Variants in ANKLE2 observed in about 807,000 individuals in gnomAD.
The protein encoded by ANKLE2 is ankyrin repeat and LEM domain containing 2, also known as ankyrin repeat and LEM domain-containing protein 2.
Under a neutral mutation model 84.2 loss-of-function variants are expected in ANKLE2, and 55 were observed. The ratio of observed to expected loss-of-function variants is 0.65; its 90% confidence interval spans 0.53 to 0.82. The LOEUF is 0.82. Among genes scored for constraint, ANKLE2 ranks in the 40% least tolerant of loss-of-function variants. The pLI is 0.00. For synonymous variants in ANKLE2, 551 were observed against 486.1 expected, an observed-to-expected ratio of 1.13 and a Z score of -1.76; for missense variants, 1,238 against 1,201.9, an observed-to-expected ratio of 1.03 and a Z score of -0.44.
At chr12:132,733,152 C>G (rs2043924870) in intron 10 of ANKLE2, among the ~76,000 whole-genome samples, 1 of 145,296 alleles carries the variant, frequency 6.9e-6, no homozygotes, top group African/African-American at 2.6e-5. Flanking sequence ...GTCCTGGTGT[C>G]TGATATGCAC....
intron 1 of ANKLE2, chr12:132,758,852 A>G (rs1156938543): frequency 6.6e-6 from 1 of 152,072 alleles, no homozygotes; most frequent in Admixed American, 6.6e-5. Context: ...GGCTTTTCCT[A>G]TTCAGCATAA....
At chr12:132,754,635 T>A in intron 2 of ANKLE2, 40 bp downstream of exon 2, 1 of 1,547,356 alleles carries the variant, frequency 6.5e-7, no homozygotes, top group Non-Finnish European at 8.7e-7. Context: ...TCCGCGTATG[T>A]GCTATCTGTG....
chr12:132,735,741 C>T (rs890406687), intron 8 of ANKLE2, among the ~76,000 whole-genome samples: 4 of 151,432 alleles, frequency 2.6e-5, no homozygotes, highest in Non-Finnish European at 5.9e-5. Flanking sequence ...CTTGCAGCCC[C>T]GTCTGGGCTG....
Position 132,741,484 on chromosome 12 carries a change from A to G in ANKLE2, c.1355T>C (p.Val452Ala). 6.2e-7 allele frequency: 1 copy of G among 1,614,004 alleles called. No individual in the cohort carries two copies. The highest frequency in any genetic ancestry group is 8.5e-7 in the Non-Finnish European group (1 of 1,179,868). ...RNKYDKTPED[V>A]ICERSKNKSV... is the part of the protein sequence containing the mutation. Reference sequence around the variant, plus strand: ...TTTATTTTTGCTTCTTTCACAAATTACCTATTGGAAAAAAAAGTGTGTCTA... The same window carrying G: ...TTTATTTTTGCTTCTTTCACAAATTGCCTATTGGAAAAAAAAGTGTGTCTA... The change falls in exon 7 of 13, where the codon GTA (valine) becomes GCA (alanine). Residue 452 changes from valine (V) to alanine (A), a missense_variant and splice_region_variant. By Grantham distance (64) the Val-to-Ala change is moderately conservative. This residue lies in a region of ANKLE2 where 802 missense variants were observed against 774.5 expected (regional missense o/e 1.04). Coordinates refer to ENST00000357997, the MANE Select transcript of ANKLE2 (RefSeq NM_015114.3).
chr12:132,728,932 C>G (rs1052403191), intron 11 of ANKLE2, among the ~76,000 whole-genome samples: 4 of 152,286 alleles, frequency 2.6e-5, no homozygotes, highest in South Asian at 2.1e-4. Context: ...CACTGGCAGG[C>G]ACATCCCTAG....
intron 10 of ANKLE2, 41 bp downstream of exon 10, chr12:132,734,344 G>T: frequency 6.2e-7 from 1 of 1,602,514 alleles, no homozygotes; most frequent in Middle Eastern, 1.8e-4. Context: ...GGCCATGGGG[G>T]GCCCCTCCCA....
At chr12:132,751,999 A>G (rs570365074) in intron 2 of ANKLE2, among the ~76,000 whole-genome samples, 20 of 152,322 alleles carry the variant, frequency 1.3e-4, no homozygotes, top group Admixed American at 1.2e-3. Flanking sequence ...GGAGACAAAA[A>G]TTTATGAACA....
intron 5 of ANKLE2, 58 bp downstream of exon 5, chr12:132,747,774 G>C (rs1337104706): frequency 7.7e-6 from 12 of 1,555,878 alleles, no homozygotes; most frequent in Non-Finnish European, 9.5e-6. Context: ...GCATTCTTTT[G>C]GGGAAAGACT....
Position 132,761,737 on chromosome 12 carries a change from G to A in ANKLE2, c.62C>T (p.Ala21Val). 2 of 1,307,748 alleles carry A rather than the reference G, an allele frequency of 1.5e-6. No individual in the cohort carries two copies. Among genetic ancestry groups the A allele is most frequent in the East Asian group, 3.4e-5 (1 of 29,202 alleles). The allele number at this position is 1,307,748 out of a possible 1,614,324, so 81.0% of individuals were successfully genotyped here. A position where few individuals can be genotyped will look rare whatever the true frequency, so the allele number is the denominator to read the frequency against. The change falls in exon 1 of 13, where the codon GCC becomes GTC. Residue 21 changes from alanine to valine, a missense_variant. By Grantham distance (64) the Ala-to-Val change is moderately conservative (BLOSUM62 0). This residue lies in a region of ANKLE2 where 422 missense variants were observed against 394.5 expected (regional missense o/e 1.07). Transcript: ENST00000357997. The stretch of plus-strand genomic sequence containing the variant: ...CCGCACAGCGATCAGCAGCACCGAG[G>A]CGCCCAGCAGCTCCCAGGCCAGCGC... ...WAALAWELLG[A>V]SVLLIAVRWL...
In ANKLE2 at chr12:132,743,336, G is replaced by A. The variant is rs1226404417; in HGVS notation, c.1231-60C>T. On this transcript the variant is annotated intron_variant, in intron 5 of 12. Transcript: ENST00000357997. This position sits in a 1 kb window ranked among gnomAD's most constrained non-coding sequence, Gnocchi z 4.1. ...CACTTGTCTCATGAGGTTGCTCTAA[G>A]GTGAAAATACATATTCATTCATTCA... The A allele has an allele frequency of 2.0e-6, 3 of 1,517,144 alleles. No individual in the cohort carries two copies. The highest frequency in any genetic ancestry group is 1.3e-5 in the South Asian group (1 of 76,380). 94.0% of individuals were successfully genotyped at this position (1,517,144 alleles called of 1,614,324 possible).
In ANKLE2 at chr12:132,727,262, C is replaced by T. The variant is rs1255549894; in HGVS notation, c.2797G>A (p.Ala933Thr). 3.2e-6 allele frequency: 5 copies of T among 1,560,376 alleles called. No homozygotes were observed. The highest frequency in any genetic ancestry group is 2.4e-5 in the East Asian group (1 of 41,844). ...CAAGCCTACAGGGCGGCAAGCTCAG[C>T]CAGGCGCGCCATCCTGCGGAGCTGG... ...GSQLRRMARL[A>T]ELAAL The change falls in exon 13 of 13, where the codon GCT (alanine) becomes ACT (threonine). Residue 933 changes from alanine (A) to threonine (T), a missense_variant. This residue lies in a region of ANKLE2 where 802 missense variants were observed against 774.5 expected (regional missense o/e 1.04). Coordinates refer to ENST00000357997, the MANE Select transcript of ANKLE2 (RefSeq NM_015114.3).
chr12:132,755,330 G>T, intron 1 of ANKLE2, 197 bp from the exon 2 acceptor site: 1 of 522,388 alleles, frequency 1.9e-6, no homozygotes, highest in East Asian at 3.4e-5. Flanking sequence ...GATCATCTGA[G>T]GTCAGGAGTT....
intron 6 of ANKLE2, chr12:132,741,699 G>A: frequency 1.5e-6 from 1 of 665,820 alleles, no homozygotes; most frequent in Admixed American, 2.1e-5. Flanking sequence ...GGGATTATGG[G>A]TAAATTTACT....
chr12:132,745,622 A>C (rs2044220262), intron 5 of ANKLE2: 1 of 157,298 alleles, frequency 6.4e-6, no homozygotes, highest in African/African-American at 2.4e-5. Context: ...GGAAATTTGC[A>C]ACTTTCAAGT....
intron 6 of ANKLE2, chr12:132,741,931 A>G: frequency 2.3e-6 from 1 of 433,920 alleles, no homozygotes; most frequent in Non-Finnish European, 4.6e-6. Flanking sequence ...TTTTGCCACT[A>G]AAGAAATCAA....
intron 2 of ANKLE2, among the ~76,000 whole-genome samples, chr12:132,753,266 G>A (rs1262528562): frequency 6.6e-6 from 1 of 151,990 alleles, no homozygotes; most frequent in Non-Finnish European, 1.5e-5. Flanking sequence ...ATTGCAGTGA[G>A]TTGTTGAGAT....
At chr12:132,749,306 C>G (rs1246238483) in intron 3 of ANKLE2, among the ~76,000 whole-genome samples, 3 of 152,118 alleles carry the variant, frequency 2.0e-5, no homozygotes, top group Non-Finnish European at 2.9e-5. Flanking sequence ...CAGGCACCTG[C>G]CACCACGGCC....
In ANKLE2 at chr12:132,743,568, C is replaced by T. The variant is rs1350423951; in HGVS notation, c.1231-292G>A. ...TTCACCATATTGGTGAGACTGGTCT[C>T]GAACTCCTGACCTCAGGTGATCCAC... On this transcript the variant is annotated intron_variant, in intron 5 of 12. Transcript: ENST00000357997. This position sits in a 1 kb window ranked among gnomAD's most constrained non-coding sequence, Gnocchi z 4.1. Among the ~76,000 whole-genome samples the T allele has an allele frequency of 6.6e-6, 1 of 150,656 alleles. No homozygotes were observed. Among genetic ancestry groups the T allele is most frequent in the African/African-American group, 2.4e-5 (1 of 40,918 alleles).
Position 132,743,368 on chromosome 12 carries a change from C to T in ANKLE2, c.1231-92G>A. 4.3e-6 allele frequency: 6 copies of T among 1,407,660 alleles called. No homozygotes were observed. The highest frequency in any genetic ancestry group is 3.8e-6 in the Non-Finnish European group (4 of 1,056,642). 87.2% of individuals were successfully genotyped at this position (1,407,660 alleles called of 1,614,324 possible). A position where few individuals can be genotyped will look rare whatever the true frequency, so the allele number is the denominator to read the frequency against. ...ATACATATTCATTCATTCATTCATT[C>T]ATTTATTTATTTTGAGACGGAGTCT... On this transcript the variant is annotated intron_variant, in intron 5 of 12. Transcript: ENST00000357997. The surrounding 1 kb of genome is among the most constrained non-coding windows in gnomAD (Gnocchi z 4.1).
Sources: gnomAD v4.1 joint callset for allele counts (sites outside exome capture counted in the v4.1 genomes callset) on GRCh38, gnomAD v4.1.1 for gene constraint, gnomAD v4.1.1 regional missense constraint, Gnocchi (gnomAD v3.1) non-coding constraint, MANE v1.5 for transcripts, NCBI Gene and HGNC (gene_info 2026-07-23, HGNC 2026-07-21) for gene names.